BIK: variants seen among roughly 807,000 people sequenced by gnomAD.
BIK encodes BCL2 interacting killer.
In BIK, 14 loss-of-function variants were observed where a neutral mutation model predicts 12.1. The observed-to-expected ratio is 1.16, with a 90% CI of 0.77 to 1.81. The LOEUF is 1.81. BIK is among the 40% of genes most tolerant of loss of function. The pLI, the probability that BIK is intolerant of heterozygous loss-of-function variation, is 0.00. For missense variants in BIK, 215 were observed against 207.9 expected, an observed-to-expected ratio of 1.03 and a Z score of -0.21; for synonymous variants, 86 against 92.3, an observed-to-expected ratio of 0.93 and a Z score of 0.39.
At chr22:43,127,249 T>C (rs1264214238) in intron 2 of BIK, among the ~76,000 whole-genome samples, 3 of 151,998 alleles carry the variant, frequency 2.0e-5, no homozygotes, top group Non-Finnish European at 4.4e-5. Flanking sequence ...TAGAGCCCCC[T>C]CACCTCCCAC....
chr22:43,112,489 C>A (rs1408131844), intron 1 of BIK, among the ~76,000 whole-genome samples: 1 of 151,748 alleles, frequency 6.6e-6, no homozygotes. Context: ...GTGACCCACC[C>A]CGCCCGGCTT....
chr22:43,111,179 C>G (rs943575892), intron 1 of BIK, among the ~76,000 whole-genome samples: 23 of 152,314 alleles, frequency 1.5e-4, no homozygotes, highest in African/African-American at 4.6e-4. Flanking sequence ...CGTGCGGACC[C>G]GGCCAGACCG....
At chr22:43,128,377 G>A in intron 3 of BIK, 119 bp from the exon 4 acceptor site, 2 of 1,318,946 alleles carry the variant, frequency 1.5e-6, no homozygotes, top group Middle Eastern at 2.6e-4. Flanking sequence ...CCGGGTGGCT[G>A]TGGGGTGGGA....
chr22:43,128,060 T>C (rs1354006943), intron 3 of BIK, among the ~76,000 whole-genome samples: 2 of 152,170 alleles, frequency 1.3e-5, no homozygotes, highest in Middle Eastern at 6.8e-3. Context: ...GCCGTCCTCA[T>C]TGAGCCCAGA....
In BIK at chr22:43,124,050, G is replaced by C; in HGVS notation, c.28G>C (p.Asp10His). MSEVRPLSR[D>H]ILMETLLYEQ... The stretch of plus-strand genomic sequence containing the variant: ...GTCTGAAGTAAGACCCCTCTCCAGA[G>C]ACATCTTGATGGAGACCCTCCTGTA... The change falls in exon 2 of 5, where the codon GAC becomes CAC. Residue 10 changes from aspartate to histidine, a missense_variant. Transcript: ENST00000216115. The C allele has an allele frequency of 1.9e-6, 3 of 1,614,172 alleles. No homozygotes were observed. The highest frequency in any genetic ancestry group is 2.5e-6 in the Non-Finnish European group (3 of 1,180,024).
Position 43,129,406 on chromosome 22 carries a change from C to A in BIK, c.*101C>A. 1 of 1,447,094 alleles carries A rather than the reference C, an allele frequency of 6.9e-7. No individual in the cohort carries two copies. 89.6% of individuals were successfully genotyped at this position (1,447,094 alleles called of 1,614,324 possible). A position where few individuals can be genotyped will look rare whatever the true frequency, so the allele number is the denominator to read the frequency against. On this transcript the variant is annotated 3_prime_UTR_variant, in exon 5 of 5. Transcript: ENST00000216115. ...TCTTTTTAACTGTTTTCTCATGATG[C>A]CTTTTTATATTTAAACCCCGAGATA...
rs1930372040 is a variant in BIK, at chr22:43,128,632, G to A, written c.390+7G>A. Reference sequence around the variant, plus strand: ...CCCGAACCCCGGGTCCTGGGTAAGAGCCTTGAGATCCCTGACCCTGACTTG... The same window carrying A: ...CCCGAACCCCGGGTCCTGGGTAAGAACCTTGAGATCCCTGACCCTGACTTG... On this transcript the variant is annotated splice_region_variant and intron_variant, in intron 4 of 4. Coordinates refer to ENST00000216115, the MANE Select transcript of BIK (RefSeq NM_001197.5). 4 of 1,602,600 alleles carry A rather than the reference G, an allele frequency of 2.5e-6. No homozygotes were observed. Among genetic ancestry groups the A allele is most frequent in the Non-Finnish European group, 3.4e-6 (4 of 1,173,336 alleles).
At chr22:43,116,222 A>G (rs1930110299) in intron 1 of BIK, among the ~76,000 whole-genome samples, 1 of 152,158 alleles carries the variant, frequency 6.6e-6, no homozygotes, top group Non-Finnish European at 1.5e-5. Context: ...GACTTCCTCT[A>G]CGGTTAGGAT....
Position 43,129,256 on chromosome 22 carries a change from C to CA in BIK, c.434_435insA (p.Leu146AlafsTer30). 1 of 1,593,278 alleles carries CA rather than the reference C, an allele frequency of 6.3e-7. No homozygotes were observed. On this transcript the variant is annotated frameshift_variant, in exon 5 of 5. Coordinates refer to ENST00000216115, the MANE Select transcript of BIK (RefSeq NM_001197.5). LOFTEE classifies it low-confidence loss of function (END_TRUNC). ...CTGCTGGCGCTGCTGCTGCTGCTGGCGCTGCTGCTGCCGCTGCTCAGCGGG... is the reference window on the plus strand; with the variant it reads ...CTGCTGGCGCTGCTGCTGCTGCTGGCAGCTGCTGCTGCCGCTGCTCAGCGGG...
At chr22:43,117,287 T>C (rs1223343933) in intron 1 of BIK, among the ~76,000 whole-genome samples, 1 of 151,970 alleles carries the variant, frequency 6.6e-6, no homozygotes, top group Admixed American at 6.6e-5. Flanking sequence ...TACACATCAG[T>C]GTTTAAAGAG....
intron 1 of BIK, among the ~76,000 whole-genome samples, chr22:43,118,473 G>A (rs1930159759): frequency 6.6e-6 from 1 of 152,186 alleles, no homozygotes; most frequent in African/African-American, 2.4e-5. Context: ...CACACAGCAG[G>A]GGCCGAGCAG....
chr22:43,112,665 C>T (rs1472001491), intron 1 of BIK, among the ~76,000 whole-genome samples: 1 of 149,048 alleles, frequency 6.7e-6, no homozygotes, highest in Non-Finnish European at 1.5e-5. Flanking sequence ...GAGGCTGAGG[C>T]AGGAGGATTG....
chr22:43,124,256 T>C (rs2147024083), intron 2 of BIK, 73 bp downstream of exon 2: 1 of 1,552,180 alleles, frequency 6.4e-7, no homozygotes, highest in Non-Finnish European at 8.8e-7. Context: ...GCAGACATTC[T>C]ATGAGCGGGG....
chr22:43,126,203 T>TTTTTTTTG (rs1930311940), intron 2 of BIK, among the ~76,000 whole-genome samples: 1 of 150,758 alleles, frequency 6.6e-6, no homozygotes, highest in African/African-American at 2.4e-5. Flanking sequence ...TTTTTTTTTT[T>TTTTTTTTG]GAGACGGAGT....
chr22:43,117,992 A>G (rs1261702037), intron 1 of BIK, among the ~76,000 whole-genome samples: 3 of 152,106 alleles, frequency 2.0e-5, no homozygotes, highest in African/African-American at 7.2e-5. Context: ...TATTTTTAAA[A>G]TTTTTTATTG....
chr22:43,129,228 G>GTGCTGCTGGCGCTGCTGC lies in BIK; in HGVS notation c.428_445dup (p.Leu143_Leu148dup), dbSNP rs759887547. On this transcript the variant is annotated inframe_insertion, in exon 5 of 5. Coordinates refer to ENST00000216115, the MANE Select transcript of BIK (RefSeq NM_001197.5). ...GCTCCCACAGGTGTCCTGCGAACAG[G>GTGCTGCTGGCGCTGCTGC]TGCTGCTGGCGCTGCTGCTGCTGCT... 386 of 1,604,856 alleles carry GTGCTGCTGGCGCTGCTGC rather than the reference G, an allele frequency of 2.4e-4. 1 individual carries two copies. The highest frequency in any genetic ancestry group is 8.4e-4 in the African/African-American group (63 of 74,992).
In BIK at chr22:43,129,182, C is replaced by T. The variant is rs761594516; in HGVS notation, c.391-31C>T. On this transcript the variant is annotated intron_variant, in intron 4 of 4. Coordinates refer to ENST00000216115, the MANE Select transcript of BIK (RefSeq NM_001197.5). Reference sequence around the variant, plus strand: ...CTGGCCCCATTGCCGGGGCCTGCCCCGAGCCTGACTCCTCTGCTTTGCTCC... The same window carrying T: ...CTGGCCCCATTGCCGGGGCCTGCCCTGAGCCTGACTCCTCTGCTTTGCTCC... 2.2e-5 allele frequency: 35 copies of T among 1,602,014 alleles called. 1 individual carries two copies. The Admixed American group carries it at 2.8e-4, about 13-fold the overall frequency.
chr22:43,128,369 G>C (rs963789014), intron 3 of BIK, 127 bp from the exon 4 acceptor site: 5 of 1,225,540 alleles, frequency 4.1e-6, no homozygotes, highest in Non-Finnish European at 5.8e-6. Flanking sequence ...AAAGGGCCCC[G>C]GGTGGCTGTG....
At position 43,129,286 on chromosome 22, in the gene BIK, T is replaced by C; in HGVS notation, c.464T>C (p.Leu155Pro). 2 of 1,600,236 alleles carry C rather than the reference T, an allele frequency of 1.2e-6. No homozygotes were observed. Among genetic ancestry groups the C allele is most frequent in the African/African-American group, 1.3e-5 (1 of 75,008 alleles). ...CTGCTGCCGCTGCTCAGCGGGGGCCTGCACCTGCTGCTCAAGTGAGGCCCC... is the reference window on the plus strand; with the variant it reads ...CTGCTGCCGCTGCTCAGCGGGGGCCCGCACCTGCTGCTCAAGTGAGGCCCC... ...ALLLPLLSGG[L>P]HLLLK is the part of the protein sequence containing the mutation. The change falls in exon 5 of 5, where the codon CTG becomes CCG. Residue 155 changes from leucine (L) to proline (P), a missense_variant. Leu to Pro is a moderately conservative substitution (Grantham distance 98). Transcript: ENST00000216115.
Sources: allele counts gnomAD v4.1 joint callset (sites outside exome capture counted in the v4.1 genomes callset), GRCh38; gene constraint gnomAD v4.1.1; transcripts MANE v1.5; gene names NCBI Gene and HGNC (gene_info 2026-07-23, HGNC 2026-07-21).